Variants in EPB41L1 observed in about 807,000 individuals in gnomAD.
The protein encoded by EPB41L1 is band 4.1-like protein 1.
EPB41L1 carries 29 observed loss-of-function variants against 97.8 expected under a neutral mutation model. The observed-to-expected ratio is 0.30, with a 90% CI of 0.22 to 0.40. The LOEUF is 0.40. Among genes scored for constraint, EPB41L1 ranks in the 10% least tolerant of loss-of-function variants. The probability of loss-of-function intolerance (pLI) is 1.00; values close to 1 mark genes in which losing one functional copy is unlikely to be tolerated. For missense variants in EPB41L1, 812 were observed against 1,162.3 expected (o/e 0.70, Z 4.38); for synonymous variants, 383 against 459.2 (o/e 0.83, Z 2.12).
At chr20:36,135,350 A>G (rs1301575310) in intron 2 of EPB41L1, among the ~76,000 whole-genome samples, 2 of 152,136 alleles carry the variant, frequency 1.3e-5, no homozygotes, top group Non-Finnish European at 2.9e-5. Flanking sequence ...GGGATTTGGG[A>G]TTCTGCCTCC....
At chr20:36,201,491 C>T (rs1156554785) in intron 14 of EPB41L1, among the ~76,000 whole-genome samples, 1 of 152,192 alleles carries the variant, frequency 6.6e-6, no homozygotes, top group Non-Finnish European at 1.5e-5. Flanking sequence ...GTTCAGAAGC[C>T]TGAATGGTCT....
At chr20:36,152,710 C>T (rs2060103200), upstream of EPB41L1, 3 of 297,790 alleles carry the variant, frequency 1.0e-5, no homozygotes, top group Admixed American at 9.0e-5. Context: ...TTCACTCATT[C>T]ATTTAAATAA....
intron 2 of EPB41L1, among the ~76,000 whole-genome samples, chr20:36,125,860 G>A (rs1300421628): frequency 6.6e-6 from 1 of 152,152 alleles, no homozygotes; most frequent in Non-Finnish European, 1.5e-5. Flanking sequence ...CTGGTGAGAA[G>A]TGATGGGCTT....
intron 14 of EPB41L1, among the ~76,000 whole-genome samples, chr20:36,205,040 T>C (rs2062722855): frequency 6.6e-6 from 1 of 152,184 alleles, no homozygotes; most frequent in East Asian, 1.9e-4. Flanking sequence ...TGGGTTTTGT[T>C]AGAATTAGAA....
chr20:36,190,256 C>A lies in EPB41L1; in HGVS notation c.1027-21C>A. On this transcript the variant is annotated intron_variant, in intron 9 of 21. Transcript: ENST00000338074. This position sits in a 1 kb window ranked among gnomAD's most constrained non-coding sequence, Gnocchi z 5.8. ...GAGTGAGCTCAGGCCCTGCCTCTAA[C>A]CTGCCCTTTTGGTTTTCCAGTATGA... is the stretch of plus-strand genomic sequence containing the variant. 6.2e-7 allele frequency: 1 copy of A among 1,605,704 alleles called. No individual in the cohort carries two copies. The highest frequency in any genetic ancestry group is 1.3e-5 in the African/African-American group (1 of 74,880).
chr20:36,107,224 T>C (rs991156115), intron 1 of EPB41L1, among the ~76,000 whole-genome samples: 16 of 147,614 alleles, frequency 1.1e-4, no homozygotes, highest in Non-Finnish European at 2.1e-4. Flanking sequence ...TTTTTTTTTT[T>C]TTTTTTTTGA....
intron 21 of EPB41L1, among the ~76,000 whole-genome samples, chr20:36,228,360 T>C (rs2064305094): frequency 6.6e-6 from 1 of 152,120 alleles, no homozygotes; most frequent in Non-Finnish European, 1.5e-5. Context: ...CTCCCTATAA[T>C]GGGAGGCAGA....
At chr20:36,101,865 C>T (rs890415079) in intron 1 of EPB41L1, among the ~76,000 whole-genome samples, 4 of 151,996 alleles carry the variant, frequency 2.6e-5, no homozygotes, top group African/African-American at 9.7e-5. Flanking sequence ...ATTAGCTGGG[C>T]ATGGCTGCAT....
At chr20:36,161,998 A>G (rs1036864337) in intron 1 of EPB41L1, among the ~76,000 whole-genome samples, 2 of 152,202 alleles carry the variant, frequency 1.3e-5, no homozygotes, top group African/African-American at 4.8e-5. Context: ...TCCTGGGCTC[A>G]AGCAATCCTC....
chr20:36,155,812 C>T (rs996865168), intron 1 of EPB41L1: 7 of 372,458 alleles, frequency 1.9e-5, no homozygotes, highest in South Asian at 1.4e-4. Context: ...CCGCATAGCA[C>T]CTCCTCTGCA....
intron 2 of EPB41L1, among the ~76,000 whole-genome samples, chr20:36,119,619 A>AGGAAG (rs1279818761): frequency 7.4e-6 from 1 of 135,828 alleles, no homozygotes; most frequent in Admixed American, 7.6e-5. Context: ...GAAAGCAGGA[A>AGGAAG]GGAAGGGAAG....
chr20:36,169,025 A>C (rs920577370), intron 1 of EPB41L1, among the ~76,000 whole-genome samples: 1 of 151,452 alleles, frequency 6.6e-6, no homozygotes, highest in Non-Finnish European at 1.5e-5. Context: ...CAGGAGTTCG[A>C]GACCAACCTG....
Position 36,207,594 on chromosome 20 carries a change from C to T in EPB41L1, c.1669-1894C>T, listed in dbSNP as rs1263720404. 6 of 1,289,988 alleles carry T rather than the reference C, an allele frequency of 4.7e-6. No homozygotes were observed. The highest frequency in any genetic ancestry group is 2.3e-5 in the Admixed American group (1 of 43,566). 79.9% of individuals were successfully genotyped at this position (1,289,988 alleles called of 1,614,324 possible). ...GGAGTACGCTCTCAGACCTGGGCTT[C>T]GCCCAACTCCAGCCCCCAGGGGACT... On this transcript the variant is annotated intron_variant, in intron 14 of 21. Transcript: ENST00000338074. The surrounding 1 kb of genome is among the most constrained non-coding windows in gnomAD (Gnocchi z 4.9).
intron 2 of EPB41L1, among the ~76,000 whole-genome samples, chr20:36,132,836 C>T (rs1302907342): frequency 6.6e-6 from 1 of 152,194 alleles, no homozygotes. Flanking sequence ...CCCTGGCCTT[C>T]AGAGGTAGTC....
intron 18 of EPB41L1, among the ~76,000 whole-genome samples, chr20:36,219,551 T>C (rs536398481): frequency 2.4e-4 from 37 of 152,348 alleles, no homozygotes; most frequent in African/African-American, 8.2e-4. Context: ...TCAGGAATCT[T>C]AGCGTCTAGG....
chr20:36,173,875 C>T lies in EPB41L1; in HGVS notation c.98C>T (p.Thr33Ile). 4 of 1,614,050 alleles carry T rather than the reference C, an allele frequency of 2.5e-6. No homozygotes were observed. Among genetic ancestry groups the T allele is most frequent in the Non-Finnish European group, 3.4e-6 (4 of 1,179,952 alleles). ...EAAAAVTTPV[T>I]PAGHGHPEAN... ...GCTGCCGCTGTGACCACCCCTGTGA[C>T]CCCTGCAGGCCACGGCCACCCAGAG... Residue 33 changes from threonine (T) to isoleucine (I), a missense_variant, in exon 2 of 22, where the codon ACC becomes ATC. Transcript: ENST00000338074.
intron 2 of EPB41L1, among the ~76,000 whole-genome samples, chr20:36,134,351 A>C (rs2059335938): frequency 6.6e-6 from 1 of 152,224 alleles, no homozygotes; most frequent in Non-Finnish European, 1.5e-5. Flanking sequence ...TGTGAACTTA[A>C]GCAGATCCCC....
intron 1 of EPB41L1, among the ~76,000 whole-genome samples, chr20:36,102,076 C>T (rs1050556876): frequency 5.3e-5 from 8 of 149,616 alleles, no homozygotes; most frequent in Non-Finnish European, 1.0e-4. Context: ...TTCCAGACCT[C>T]ACCCAAGAGA....
chr20:36,106,311 G>T (rs2058190049), intron 1 of EPB41L1, among the ~76,000 whole-genome samples: 1 of 152,242 alleles, frequency 6.6e-6, no homozygotes, highest in South Asian at 2.1e-4. Flanking sequence ...AAGACTGGGA[G>T]ATTTGGGCAC....
Sources: gnomAD v4.1 joint callset for allele counts (sites outside exome capture counted in the v4.1 genomes callset) on GRCh38, gnomAD v4.1.1 for gene constraint, Gnocchi (gnomAD v3.1) non-coding constraint, MANE v1.5 for transcripts, NCBI Gene and HGNC (gene_info 2026-07-23, HGNC 2026-07-21) for gene names.